Variants in EXOC6B observed in about 807,000 individuals in gnomAD.
EXOC6B encodes SEC15 homolog B.
In EXOC6B, 54 loss-of-function variants were observed where a neutral mutation model predicts 113.5. The observed-to-expected ratio is 0.48, with a 90% CI of 0.38 to 0.60. The LOEUF is 0.60. EXOC6B is among the 20% of genes least tolerant of loss of function. The probability of loss-of-function intolerance (pLI) is 0.00; values close to 1 mark genes in which losing one functional copy is unlikely to be tolerated. For synonymous variants in EXOC6B, 357 were observed against 339.0 expected (o/e 1.05, Z -0.58); for missense variants, 797 against 977.5 (o/e 0.82, Z 2.46).
intron 19 of EXOC6B, among the ~76,000 whole-genome samples, chr2:72,351,880 A>T (rs929311899): frequency 6.6e-6 from 1 of 152,194 alleles, no homozygotes; most frequent in African/African-American, 2.4e-5. Context: ...ACAATAACTT[A>T]TCTTTCCATG....
intron 8 of EXOC6B, among the ~76,000 whole-genome samples, chr2:72,548,473 A>G (rs576903402): frequency 6.6e-6 from 1 of 152,346 alleles, no homozygotes; most frequent in South Asian, 2.1e-4. Flanking sequence ...AAGTTCAGAT[A>G]AACACTATTG....
At chr2:72,441,922 T>C (rs949444236) in intron 18 of EXOC6B, among the ~76,000 whole-genome samples, 1 of 152,196 alleles carries the variant, frequency 6.6e-6, no homozygotes, top group African/African-American at 2.4e-5. Flanking sequence ...CTCATCCTGA[T>C]AGCAAAACCT....
At chr2:72,739,718 T>TA (rs1681186586) in intron 2 of EXOC6B, among the ~76,000 whole-genome samples, 2 of 152,116 alleles carry the variant, frequency 1.3e-5, no homozygotes, top group Non-Finnish European at 2.9e-5. Flanking sequence ...AGACCTAACT[T>TA]ACTTTAAATG....
intron 1 of EXOC6B, 33 bp from the exon 2 acceptor site, chr2:72,741,502 T>C (rs1681324674): frequency 6.4e-6 from 10 of 1,572,990 alleles, no homozygotes; most frequent in Non-Finnish European, 8.6e-6. Flanking sequence ...GATTATACCA[T>C]GGTTACTTCT....
At chr2:72,772,081 A>G (rs935365725) in intron 1 of EXOC6B, among the ~76,000 whole-genome samples, 1 of 152,144 alleles carries the variant, frequency 6.6e-6, no homozygotes, top group African/African-American at 2.4e-5. Flanking sequence ...ATAAGAAAAT[A>G]TACATTAAAG....
chr2:72,518,394 C>T (rs1701320019), intron 8 of EXOC6B, among the ~76,000 whole-genome samples: 1 of 151,564 alleles, frequency 6.6e-6, no homozygotes. Context: ...GAGAACAGTA[C>T]CTGTACTTAC....
chr2:72,234,404 A>G (rs1681827931), intron 20 of EXOC6B, among the ~76,000 whole-genome samples: 1 of 152,138 alleles, frequency 6.6e-6, no homozygotes, highest in Non-Finnish European at 1.5e-5. Flanking sequence ...TTTATGTACA[A>G]AATTCAACTC....
At chr2:72,814,795 C>T (rs1686128965) in intron 1 of EXOC6B, among the ~76,000 whole-genome samples, 1 of 151,656 alleles carries the variant, frequency 6.6e-6, no homozygotes, top group Non-Finnish European at 1.5e-5. Context: ...ATCAAGACCA[C>T]CCTGGCTAAC....
intron 8 of EXOC6B, among the ~76,000 whole-genome samples, chr2:72,538,300 GGTT>G (rs1702417149): frequency 2.0e-5 from 3 of 151,820 alleles, no homozygotes; most frequent in Admixed American, 2.0e-4. Context: ...AAATGCTAAG[GGTT>G]CATTATATAT....
At chr2:72,530,707 C>T (rs1362047667) in intron 8 of EXOC6B, among the ~76,000 whole-genome samples, 2 of 152,012 alleles carry the variant, frequency 1.3e-5, no homozygotes, top group African/African-American at 2.4e-5. Context: ...CATCCATTTA[C>T]CCTTTCCGTT....
intron 19 of EXOC6B, among the ~76,000 whole-genome samples, chr2:72,348,887 G>T (rs1276171022): frequency 6.6e-6 from 1 of 152,128 alleles, no homozygotes; most frequent in Non-Finnish European, 1.5e-5. Context: ...GTGTTTCTCA[G>T]GTTAAAAGAG....
chr2:72,201,273 C>T (rs1679474824), intron 20 of EXOC6B, among the ~76,000 whole-genome samples: 1 of 152,062 alleles, frequency 6.6e-6, no homozygotes, highest in African/African-American at 2.4e-5. Flanking sequence ...AAATATACTA[C>T]AATGTATTCA....
At chr2:72,588,405 C>T (rs1397139644) in intron 6 of EXOC6B, among the ~76,000 whole-genome samples, 2 of 151,912 alleles carry the variant, frequency 1.3e-5, no homozygotes, top group Admixed American at 6.6e-5. Flanking sequence ...GGACATTATG[C>T]TAAGTAAGCT....
chr2:72,533,617 C>CTTGT (rs1393448973), intron 8 of EXOC6B, among the ~76,000 whole-genome samples: 1 of 152,112 alleles, frequency 6.6e-6, no homozygotes, highest in Non-Finnish European at 1.5e-5. Flanking sequence ...TCTCCAGGTC[C>CTTGT]TTGTATCTGA....
At chr2:72,356,725 C>A (rs1387137676) in intron 19 of EXOC6B, among the ~76,000 whole-genome samples, 1 of 152,080 alleles carries the variant, frequency 6.6e-6, no homozygotes, top group African/African-American at 2.4e-5. Context: ...CCAACGCTTG[C>A]TTTCTGCTTG....
At chr2:72,458,567 G>T (rs947451078) in intron 18 of EXOC6B, among the ~76,000 whole-genome samples, 2 of 152,062 alleles carry the variant, frequency 1.3e-5, no homozygotes, top group African/African-American at 4.8e-5. Flanking sequence ...CTTTGATTCT[G>T]AATGGTACAT....
At chr2:72,459,055 CAAAG>C (rs759660673) in intron 18 of EXOC6B, among the ~76,000 whole-genome samples, 130 of 151,960 alleles carry the variant, frequency 8.6e-4, no homozygotes, top group Non-Finnish European at 1.5e-3. Context: ...CTAAAAGCTA[CAAAG>C]AAATAAGGAT....
intron 20 of EXOC6B, among the ~76,000 whole-genome samples, chr2:72,204,466 G>T (rs1299965629): frequency 1.3e-5 from 2 of 151,672 alleles, no homozygotes; most frequent in African/African-American, 4.9e-5. Context: ...GCCAGGCCAA[G>T]ATTAGCGTGA....
chr2:72,594,718 T>C (rs772281454), intron 6 of EXOC6B, among the ~76,000 whole-genome samples: 3 of 152,200 alleles, frequency 2.0e-5, no homozygotes, highest in Non-Finnish European at 2.9e-5. Flanking sequence ...ATTTGTTTGG[T>C]TGACTAATGT....
Sources: gnomAD v4.1 joint callset for allele counts (sites outside exome capture counted in the v4.1 genomes callset) on GRCh38, gnomAD v4.1.1 for gene constraint, MANE v1.5 for transcripts, NCBI Gene and HGNC (gene_info 2026-07-23, HGNC 2026-07-21) for gene names.